ITGAM: variants seen among roughly 807,000 people sequenced by gnomAD.
ITGAM encodes integrin alpha-M.
A neutral mutation model predicts 137.5 loss-of-function variants in ITGAM; 79 were observed. The observed-to-expected ratio is 0.57, with a 90% confidence interval of 0.48 to 0.69. The LOEUF (loss-of-function observed/expected upper bound fraction) is 0.69. ITGAM is among the 30% of genes least tolerant of loss of function. ITGAM has a pLI of 0.00. For missense variants in ITGAM, 1,343 were observed against 1,483.5 expected (o/e 0.91, Z 1.56); for synonymous variants, 583 against 592.3 (o/e 0.98, Z 0.23).
At chr16:31,296,941 G>A (rs1022795163) in intron 12 of ITGAM, among the ~76,000 whole-genome samples, 1 of 152,030 alleles carries the variant, frequency 6.6e-6, no homozygotes, top group African/African-American at 2.4e-5. Flanking sequence ...CCAGTTATTA[G>A]CCTTATTAGT....
At chr16:31,269,955 GT>G in intron 5 of ITGAM, among the ~76,000 whole-genome samples, 1 of 152,322 alleles carries the variant, frequency 6.6e-6, no homozygotes, top group Non-Finnish European at 1.5e-5. Flanking sequence ...GTCCCTGCAG[GT>G]TGACCTCCCA....
At position 31,265,779 on chromosome 16, in the gene ITGAM, C is replaced by T. The variant is rs766148820; in HGVS notation, c.239-32C>T. The T allele has an allele frequency of 1.6e-5, 25 of 1,600,596 alleles. No homozygotes were observed. The African/African-American group carries it at 3.1e-4, about 20-fold the overall frequency. ...TCCACAGCCTTCTCTGTCCCCCCAC[C>T]AGGGTGACCATGCCCATATCTGTCC... On this transcript the variant is annotated intron_variant, in intron 3 of 29. Coordinates refer to ENST00000544665, the MANE Select transcript of ITGAM (RefSeq NM_000632.4).
At chr16:31,275,213 G>A (rs2079893177) in intron 8 of ITGAM, among the ~76,000 whole-genome samples, 1 of 152,086 alleles carries the variant, frequency 6.6e-6, no homozygotes. Flanking sequence ...CACAGAAAGC[G>A]ATATCACCAT....
At chr16:31,260,629 G>A (rs1397872595) in intron 1 of ITGAM, among the ~76,000 whole-genome samples, 1 of 152,236 alleles carries the variant, frequency 6.6e-6, no homozygotes, top group Non-Finnish European at 1.5e-5. Flanking sequence ...AATTAAGAAT[G>A]TATAGAAACT....
intron 14 of ITGAM, among the ~76,000 whole-genome samples, chr16:31,319,159 A>G (rs2080422151): frequency 6.6e-6 from 1 of 151,752 alleles, no homozygotes; most frequent in Admixed American, 6.6e-5. Flanking sequence ...TGTGCACTTG[A>G]GAAGAATGTA....
In ITGAM at chr16:31,332,106, C is replaced by T. The variant is rs1281827528; in HGVS notation, c.*399C>T. 6 of 183,924 alleles carry T rather than the reference C, an allele frequency of 3.3e-5. No homozygotes were observed. The highest frequency in any genetic ancestry group is 6.1e-5 in the Admixed American group (1 of 16,278). The allele number at this position is 183,924 out of a possible 1,614,324, so 11.4% of individuals were successfully genotyped here. A position where few individuals can be genotyped will look rare whatever the true frequency, so the allele number is the denominator to read the frequency against. On this transcript the variant is annotated 3_prime_UTR_variant, in exon 30 of 30. Coordinates refer to ENST00000544665, the MANE Select transcript of ITGAM (RefSeq NM_000632.4). ...GGTAGGTGACGGCAGCGTAGCCTCT[C>T]CGGCAGAAGGGAACTGCCTGGGCTC... is the stretch of plus-strand genomic sequence containing the variant.
intron 14 of ITGAM, among the ~76,000 whole-genome samples, chr16:31,310,484 C>T (rs1216847030): frequency 6.6e-6 from 1 of 152,144 alleles, no homozygotes; most frequent in African/African-American, 2.4e-5. Context: ...CAGTTGATCG[C>T]GTCAGTTACT....
chr16:31,293,651 GT>G (rs2144367408), intron 12 of ITGAM, among the ~76,000 whole-genome samples: 1 of 152,244 alleles, frequency 6.6e-6, no homozygotes, highest in East Asian at 1.9e-4. Context: ...CTGTAGTATA[GT>G]TTGAAGTCAG....
In ITGAM at chr16:31,325,496, C is replaced by A; in HGVS notation, c.2506-4C>A. 1 of 1,613,982 alleles carries A rather than the reference C, an allele frequency of 6.2e-7. No individual in the cohort carries two copies. Among genetic ancestry groups the A allele is most frequent in the Non-Finnish European group, 8.5e-7 (1 of 1,179,876 alleles). On this transcript the variant is annotated splice_region_variant and splice_polypyrimidine_tract_variant and intron_variant, in intron 20 of 29. Coordinates refer to ENST00000544665, the MANE Select transcript of ITGAM (RefSeq NM_000632.4). Reference sequence around the variant, plus strand: ...TCACCGCCTTTGCCTCCCCTGCCTTCCAGAACCAGCGCTCACAGCGATCCT... The same window carrying A: ...TCACCGCCTTTGCCTCCCCTGCCTTACAGAACCAGCGCTCACAGCGATCCT...
chr16:31,297,317 C>G (rs944739169), intron 12 of ITGAM, among the ~76,000 whole-genome samples, 197 bp from the exon 13 acceptor site: 6 of 152,158 alleles, frequency 3.9e-5, no homozygotes, highest in African/African-American at 1.2e-4. Context: ...CAGGCAGAAA[C>G]CATTCTGCCA....
At position 31,330,062 on chromosome 16, in the gene ITGAM, A is replaced by G. The variant is rs765002827; in HGVS notation, c.2977-19A>G. The G allele has an allele frequency of 8.1e-6, 13 of 1,610,758 alleles. No homozygotes were observed. The Admixed American group carries it at 2.2e-4, about 27-fold the overall frequency. ...GGCGCCTTCATCTCTGCCCCTTCTC[A>G]GTGCGTCTCTTTCCTCAGAACCTCT... On this transcript the variant is annotated intron_variant, in intron 25 of 29. Transcript: ENST00000544665.
chr16:31,271,721 G>T, intron 6 of ITGAM, 126 bp from the exon 7 acceptor site: 2 of 1,137,548 alleles, frequency 1.8e-6, no homozygotes, highest in South Asian at 1.5e-5. Flanking sequence ...TGAGGCAGGG[G>T]ATTAGGGGCA....
chr16:31,291,188 A>G (rs2080083438), intron 12 of ITGAM, among the ~76,000 whole-genome samples: 1 of 152,192 alleles, frequency 6.6e-6, no homozygotes, highest in African/African-American at 2.4e-5. Context: ...AAAATCCTGG[A>G]TAATATTCCA....
chr16:31,283,643 G>A (rs951769642), intron 12 of ITGAM, among the ~76,000 whole-genome samples: 1 of 152,144 alleles, frequency 6.6e-6, no homozygotes, highest in Non-Finnish European at 1.5e-5. Flanking sequence ...AAGGTTTTTA[G>A]CTTCTTTGTG....
intron 1 of ITGAM, 80 bp from the exon 2 acceptor site, chr16:31,261,612 C>A: frequency 1.2e-6 from 1 of 828,834 alleles, no homozygotes; most frequent in Non-Finnish European, 2.0e-6. Flanking sequence ...CCTGCCTCAG[C>A]CCTCCAAAGT....
intron 3 of ITGAM, 115 bp from the exon 4 acceptor site, chr16:31,265,696 C>A (rs1408979889): frequency 3.4e-6 from 3 of 890,030 alleles, no homozygotes; most frequent in Non-Finnish European, 3.5e-6. Context: ...GATTTAGGAT[C>A]CCCCTTCACC....
rs1201800091 is a variant in ITGAM, at chr16:31,331,938, AGT to A, written c.*237_*238del. 7.2e-6 allele frequency: 4 copies of A among 552,246 alleles called. No homozygotes were observed. Among genetic ancestry groups the A allele is most frequent in the African/African-American group, 2.0e-5 (1 of 51,024 alleles). 34.2% of individuals were successfully genotyped at this position (552,246 alleles called of 1,614,324 possible). A position where few individuals can be genotyped will look rare whatever the true frequency, so the allele number is the denominator to read the frequency against. ...ATGTGCACTTGCACGCCCATGTGTG[AGT>A]GTGTGCAAGTATGTGAGTGTGTCCA... On this transcript the variant is annotated 3_prime_UTR_variant, in exon 30 of 30. Coordinates refer to ENST00000544665, the MANE Select transcript of ITGAM (RefSeq NM_000632.4).
chr16:31,312,651 A>G (rs1335030338), intron 14 of ITGAM, among the ~76,000 whole-genome samples: 1 of 151,730 alleles, frequency 6.6e-6, no homozygotes, highest in Non-Finnish European at 1.5e-5. Context: ...CTGGTCTCCA[A>G]CTCCTGGGCT....
At chr16:31,321,116 G>C in intron 14 of ITGAM, 125 bp from the exon 15 acceptor site, 3 of 1,043,460 alleles carry the variant, frequency 2.9e-6, no homozygotes, top group Non-Finnish European at 4.3e-6. Context: ...TCCTTGGTTA[G>C]TTGCAAGAGA....
Sources: gnomAD v4.1 joint callset for allele counts (sites outside exome capture counted in the v4.1 genomes callset) on GRCh38, gnomAD v4.1.1 for gene constraint, MANE v1.5 for transcripts, NCBI Gene and HGNC (gene_info 2026-07-23, HGNC 2026-07-21) for gene names.